Variants in SLC35F4 observed in about 807,000 individuals in gnomAD.
SLC35F4 encodes chromosome 14 open reading frame 36.
SLC35F4 carries 24 observed loss-of-function variants against 44.2 expected under a neutral mutation model. The ratio of observed to expected loss-of-function variants is 0.54; its 90% CI spans 0.39 to 0.76. The LOEUF is 0.76. SLC35F4 is among the 30% of genes least tolerant of loss of function. The pLI is 0.00. For missense variants in SLC35F4, 562 were observed against 586.1 expected (o/e 0.96, Z 0.42); for synonymous variants, 238 against 223.6 (o/e 1.06, Z -0.57).
chr14:57,765,764 T>C (rs745845740), intron 1 of SLC35F4, among the ~76,000 whole-genome samples: 3 of 152,208 alleles, frequency 2.0e-5, no homozygotes, highest in African/African-American at 2.4e-5. Flanking sequence ...TCCACTCATA[T>C]AGTCAATATG....
At chr14:57,901,920 A>T (rs1595278176) in intron 1 of SLC35F4, among the ~76,000 whole-genome samples, 1 of 152,034 alleles carries the variant, frequency 6.6e-6, no homozygotes, top group African/African-American at 2.4e-5. Flanking sequence ...AGGTCTTCTG[A>T]CCTCCACTCA....
intron 1 of SLC35F4, among the ~76,000 whole-genome samples, chr14:57,875,020 G>C (rs929862413): frequency 4.0e-5 from 6 of 148,704 alleles, no homozygotes; most frequent in African/African-American, 1.5e-4. Flanking sequence ...GGTGTCTTTA[G>C]ATAAGAGTAA....
In SLC35F4 at chr14:57,632,825, T is replaced by C. The variant is rs550174905; in HGVS notation, c.104-38701A>G. Among the ~76,000 whole-genome samples, 507 of 152,156 alleles carry C rather than the reference T, an allele frequency of 3.3e-3. 7 individuals carry two copies. The highest frequency in any genetic ancestry group is 0.011 in the African/African-American group (463 of 41,534). On this transcript the variant is annotated intron_variant, in intron 1 of 7. Transcript: ENST00000556826. ...AATTTATAACGATATGTATCCACCATTGGAGTATCATACAGAGTACTTTCA... is the reference window on the plus strand; with the variant it reads ...AATTTATAACGATATGTATCCACCACTGGAGTATCATACAGAGTACTTTCA...
At chr14:57,754,528 T>A (rs1262704383) in intron 1 of SLC35F4, among the ~76,000 whole-genome samples, 3 of 152,148 alleles carry the variant, frequency 2.0e-5, no homozygotes, top group Non-Finnish European at 4.4e-5. Context: ...AGACCACAGG[T>A]TTCACTCAGG....
rs973820880 is a variant in SLC35F4 at position 57,865,612 on chromosome 14, G to A, written c.103+111C>T. 2.7e-5 allele frequency: 22 copies of A among 813,558 alleles called. No individual in the cohort carries two copies. The African/African-American group carries it at 2.8e-4, about 10-fold the overall frequency. 50.4% of individuals were successfully genotyped at this position (813,558 alleles called of 1,614,324 possible). ...CAGGAAGGCGGTGTTGACAGCGTCC[G>A]CAGGGCTGCAGGTGTCCGTACCGCG... On this transcript the variant is annotated intron_variant, in intron 1 of 7. Coordinates refer to ENST00000556826, the MANE Select transcript of SLC35F4 (RefSeq NM_001306087.2).
chr14:57,864,903 G>A (rs916792894), intron 1 of SLC35F4, among the ~76,000 whole-genome samples: 1 of 152,190 alleles, frequency 6.6e-6, no homozygotes, highest in African/African-American at 2.4e-5. Flanking sequence ...TACTGGGGGA[G>A]GGGGACTGCG....
chr14:57,671,124 G>A (rs1328976635), intron 1 of SLC35F4, among the ~76,000 whole-genome samples: 2 of 151,810 alleles, frequency 1.3e-5, no homozygotes, highest in Non-Finnish European at 2.9e-5. Flanking sequence ...GCATAGTCTC[G>A]GTCTCCTGAC....
At chr14:57,660,045 CAGTTATACTAA>C (rs1488582812) in intron 1 of SLC35F4, among the ~76,000 whole-genome samples, 1 of 152,164 alleles carries the variant, frequency 6.6e-6, no homozygotes, top group East Asian at 1.9e-4. Flanking sequence ...GGTCTCTGTT[CAGTTATACTAA>C]CATGCAAATG....
At chr14:57,672,489 G>T (rs1304306670) in intron 1 of SLC35F4, among the ~76,000 whole-genome samples, 1 of 152,036 alleles carries the variant, frequency 6.6e-6, no homozygotes, top group Non-Finnish European at 1.5e-5. Flanking sequence ...TCAGGTCCCT[G>T]GCACTTTTTC....
At chr14:57,641,329 C>T (rs775811274) in intron 1 of SLC35F4, among the ~76,000 whole-genome samples, 3 of 151,894 alleles carry the variant, frequency 2.0e-5, no homozygotes, top group Admixed American at 2.0e-4. Context: ...GAGACAGCCC[C>T]AGAATAAGAC....
rs1233566465 is a variant in SLC35F4 at position 57,581,330 on chromosome 14, A to G, written c.691T>C (p.Leu231=). 9 of 1,613,580 alleles carry G rather than the reference A, an allele frequency of 5.6e-6. No homozygotes were observed. The highest frequency in any genetic ancestry group is 7.6e-6 in the Non-Finnish European group (9 of 1,179,788). ...GCCGTCAGCTTCTTTAAAGCCAGTA[A>G]ATAAAGGTAATTAGTCAAAGTCCAT... ...ILWTLTNYLY[L]LALKKLTATD... Residue 231 remains leucine, a synonymous_variant, in exon 4 of 8, where the codon TTA becomes CTA. Transcript: ENST00000556826.
At chr14:57,750,054 C>G (rs144093604) in intron 1 of SLC35F4, among the ~76,000 whole-genome samples, 1 of 152,184 alleles carries the variant, frequency 6.6e-6, no homozygotes, top group East Asian at 1.9e-4. Flanking sequence ...ATCTCCTCAC[C>G]CTGAGTCTCC....
rs745703253 is a variant in SLC35F4 at position 57,581,309 on chromosome 14, T to C, written c.712A>G (p.Thr238Ala). The C allele has an allele frequency of 3.1e-6, 5 of 1,613,752 alleles. No homozygotes were observed. In the Admixed American group the frequency reaches 8.3e-5, roughly 27 times the overall value. ...AACAGAGCGGAGACATCCGTGGCCGTCAGCTTCTTTAAAGCCAGTAAATAA... is the reference window on the plus strand; with the variant it reads ...AACAGAGCGGAGACATCCGTGGCCGCCAGCTTCTTTAAAGCCAGTAAATAA... ...YLYLLALKKLTATDVSALFCC... is the reference protein window; with the variant it reads ...YLYLLALKKLAATDVSALFCC... Residue 238 changes from threonine to alanine, a missense_variant, in exon 4 of 8, where the codon ACG (threonine) becomes GCG (alanine). Coordinates refer to ENST00000556826, the MANE Select transcript of SLC35F4 (RefSeq NM_001306087.2).
intron 1 of SLC35F4, among the ~76,000 whole-genome samples, chr14:57,681,089 C>A (rs2074886151): frequency 6.6e-6 from 1 of 151,904 alleles, no homozygotes; most frequent in African/African-American, 2.4e-5. Context: ...AAAGAACAAA[C>A]CTGGAAGCCA....
intron 1 of SLC35F4, among the ~76,000 whole-genome samples, chr14:57,724,113 C>G (rs1344410615): frequency 1.3e-5 from 2 of 152,172 alleles, no homozygotes; most frequent in Non-Finnish European, 2.9e-5. Flanking sequence ...GATACTCTGG[C>G]CCATTTATCA....
intron 1 of SLC35F4, among the ~76,000 whole-genome samples, chr14:57,859,327 C>T (rs1050663718): frequency 6.6e-6 from 1 of 152,140 alleles, no homozygotes; most frequent in Non-Finnish European, 1.5e-5. Flanking sequence ...ATTAAAGCCA[C>T]TTGCGTGTGT....
chr14:57,585,880 C>T (rs938529026), intron 3 of SLC35F4, among the ~76,000 whole-genome samples: 1 of 152,144 alleles, frequency 6.6e-6, no homozygotes, highest in South Asian at 2.1e-4. Context: ...GAATCAATAT[C>T]GTCAAAATGG....
At chr14:57,920,635 C>T (rs1449473423) in intron 1 of SLC35F4, among the ~76,000 whole-genome samples, 3 of 152,186 alleles carry the variant, frequency 2.0e-5, no homozygotes, top group Non-Finnish European at 2.9e-5. Flanking sequence ...AAGCCTTTGG[C>T]GGACTCTGTC....
chr14:57,866,083 C>G lies in SLC35F4; in HGVS notation c.-258G>C. On this transcript the variant is annotated 5_prime_UTR_variant, in exon 1 of 8. Coordinates refer to ENST00000556826, the MANE Select transcript of SLC35F4 (RefSeq NM_001306087.2). ...CTCCCGCGCGCCACCCGGAGCACTG[C>G]TGCCCGAATAGCGCCCCCTCACCTC... 1 of 239,916 alleles carries G rather than the reference C, an allele frequency of 4.2e-6. No homozygotes were observed. The highest frequency in any genetic ancestry group is 7.9e-6 in the Non-Finnish European group (1 of 126,226). The allele number at this position is 239,916 out of a possible 1,614,324, so 14.9% of individuals were successfully genotyped here.
Sources: gnomAD v4.1 joint callset for allele counts (sites outside exome capture counted in the v4.1 genomes callset) on GRCh38, gnomAD v4.1.1 for gene constraint, MANE v1.5 for transcripts, NCBI Gene and HGNC (gene_info 2026-07-23, HGNC 2026-07-21) for gene names.